Variants in SCN3A observed in about 807,000 individuals in gnomAD.
SCN3A encodes the protein sodium channel protein type 3 subunit alpha.
Under a neutral mutation model 187.6 loss-of-function variants are expected in SCN3A, and 60 were observed. The observed-to-expected ratio is 0.32, with a 90% CI of 0.26 to 0.40. The LOEUF (loss-of-function observed/expected upper bound fraction) is 0.40. Among genes scored for constraint, SCN3A ranks in the 10% least tolerant of loss-of-function variants. The pLI is 1.00. For missense variants in SCN3A, 1,601 were observed against 2,428.2 expected (o/e 0.66, Z 7.16); for synonymous variants, 788 against 829.2 (o/e 0.95, Z 0.85).
At chr2:165,103,546 T>C (rs1193894336) in intron 21 of SCN3A, among the ~76,000 whole-genome samples, 1 of 152,196 alleles carries the variant, frequency 6.6e-6, no homozygotes, top group Non-Finnish European at 1.5e-5. Flanking sequence ...CTAGGTACCA[T>C]ATCACACTAC....
At chr2:165,181,421 A>T (rs1366408716) in intron 2 of SCN3A, among the ~76,000 whole-genome samples, 3 of 152,232 alleles carry the variant, frequency 2.0e-5, no homozygotes, top group Non-Finnish European at 4.4e-5. Flanking sequence ...GGAAAATGGC[A>T]CATTGTTATG....
At position 165,127,775 on chromosome 2, in the gene SCN3A, G is replaced by A. The variant is rs199850080; in HGVS notation, c.3249C>T (p.Tyr1083=). ...GVGTGSSVEK[Y]VIDENDYMSF... ...ACATATAATCATTTTCATCGATTAC[G>A]TATTTTTCAACACTGCTTCCAGTAC... The change falls in exon 18 of 28, where the codon TAC becomes TAT. Residue 1083 remains tyrosine, a synonymous_variant. Coordinates refer to ENST00000283254, the MANE Select transcript of SCN3A (RefSeq NM_006922.4). 29 of 1,614,096 alleles carry A rather than the reference G, an allele frequency of 1.8e-5. No homozygotes were observed. Among genetic ancestry groups the A allele is most frequent in the Middle Eastern group, 3.3e-4 (2 of 6,060 alleles).
At chr2:165,095,754 T>G (rs988876040) in intron 24 of SCN3A, 106 bp from the exon 25 acceptor site, 1 of 638,546 alleles carries the variant, frequency 1.6e-6, no homozygotes, top group African/African-American at 1.8e-5. Flanking sequence ...TACTTTTGCC[T>G]TACCCTGAGA....
intron 21 of SCN3A, among the ~76,000 whole-genome samples, chr2:165,112,388 T>C (rs1686163973): frequency 6.6e-6 from 1 of 152,226 alleles, no homozygotes; most frequent in Non-Finnish European, 1.5e-5. Flanking sequence ...TTGTTGTGTC[T>C]GTGGGTATGT....
Position 165,146,917 on chromosome 2 carries a change from T to C in SCN3A, c.1493A>G (p.Glu498Gly). ...ASKLSSKSAK[E>G]WRNRRKKRRQ... Reference sequence around the variant, plus strand: ...TCTTTTCTTCCTTCGGTTCCTCCATTCTTTAGCACTTTTGGAACTCAACTT... The same window carrying C: ...TCTTTTCTTCCTTCGGTTCCTCCATCCTTTAGCACTTTTGGAACTCAACTT... The change falls in exon 12 of 28, where the codon GAA becomes GGA. Residue 498 changes from glutamate to glycine, a missense_variant. Around this residue, in one of 11 missense-constraint regions of SCN3A, gnomAD observed 376 missense variants for 476.0 expected, o/e 0.79. Transcript: ENST00000283254. 1 of 1,614,092 alleles carries C rather than the reference T, an allele frequency of 6.2e-7. No individual in the cohort carries two copies. Among genetic ancestry groups the C allele is most frequent in the Non-Finnish European group, 8.5e-7 (1 of 1,179,972 alleles).
At chr2:165,135,137 A>G (rs1381888141) in intron 15 of SCN3A, among the ~76,000 whole-genome samples, 1 of 152,062 alleles carries the variant, frequency 6.6e-6, no homozygotes, top group Non-Finnish European at 1.5e-5. Context: ...GTTTGTTATG[A>G]TGTTGTCTAA....
intron 3 of SCN3A, 40 bp from the exon 4 acceptor site, chr2:165,170,588 TG>T: frequency 2.5e-6 from 3 of 1,194,562 alleles, no homozygotes; most frequent in Non-Finnish European, 3.8e-6. Context: ...AAATTAGACA[TG>T]GGCTTATTTA....
chr2:165,092,329 C>T lies in SCN3A; in HGVS notation c.4732G>A (p.Val1578Ile), dbSNP rs138241452. The change falls in exon 27 of 28, where the codon GTC becomes ATC. Residue 1578 changes from valine to isoleucine, a missense_variant. Physicochemically the swap from Val to Ile is conservative, Grantham distance 29. Transcript: ENST00000283254. The surrounding 1 kb of genome is among the most constrained non-coding windows in gnomAD (Gnocchi z 4.2). ...LFTGEFVLKL[V>I]SLRHYYFTIG... ...GTGAAGTAGTAGTGTCTGAGGGAGA[C>T]GAGCTTCAGCACAAATTCTCCAGTG... is the stretch of plus-strand genomic sequence containing the variant. 9.9e-6 allele frequency: 16 copies of T among 1,613,766 alleles called. No homozygotes were observed. The highest frequency in any genetic ancestry group is 1.7e-5 in the Admixed American group (1 of 59,946).
At chr2:165,175,197 T>A (rs1346971932) in intron 3 of SCN3A, among the ~76,000 whole-genome samples, 1 of 152,234 alleles carries the variant, frequency 6.6e-6, no homozygotes, top group Admixed American at 6.5e-5. Context: ...CCATAATCTA[T>A]AAGTCATCAA....
In SCN3A at chr2:165,097,297, T is replaced by C; in HGVS notation, c.4194A>G (p.Val1398=). 1 of 1,614,138 alleles carries C rather than the reference T, an allele frequency of 6.2e-7. No individual in the cohort carries two copies. The highest frequency in any genetic ancestry group is 8.5e-7 in the Non-Finnish European group (1 of 1,180,002). ...AGCCAGCGCCAACATTATCAAAGTT[T>C]ACTTTCACGTTTTTCCACCGAGCTT... is the stretch of plus-strand genomic sequence containing the variant. ...GKQARWKNVK[V]NFDNVGAGYL... The change falls in exon 23 of 28, where the codon GTA becomes GTG. Residue 1398 remains valine (V), a synonymous_variant. Transcript: ENST00000283254.
chr2:165,100,610 C>T (rs1435102993), intron 21 of SCN3A, among the ~76,000 whole-genome samples, 186 bp from the exon 22 acceptor site: 2 of 151,922 alleles, frequency 1.3e-5, no homozygotes, highest in African/African-American at 2.4e-5. Context: ...TTTTTTTTAA[C>T]CAATGAAACC....
At chr2:165,121,147 C>T (rs1350340601) in intron 18 of SCN3A, among the ~76,000 whole-genome samples, 1 of 151,822 alleles carries the variant, frequency 6.6e-6, no homozygotes, top group South Asian at 2.1e-4. Flanking sequence ...GCTATTCACA[C>T]ACCCATCTGC....
At chr2:165,181,677 G>A (rs114084670) in intron 2 of SCN3A, among the ~76,000 whole-genome samples, 2,233 of 152,158 alleles carry the variant, frequency 0.015, 61 homozygotes, top group African/African-American at 0.05. Flanking sequence ...TTGAGAAAAT[G>A]TGTGCCGAAT....
chr2:165,131,476 A>C, intron 15 of SCN3A, 59 bp from the exon 16 acceptor site: 1 of 1,200,728 alleles, frequency 8.3e-7, no homozygotes, highest in Non-Finnish European at 1.2e-6. Context: ...TGCTACACGA[A>C]TTTATAAAGA....
intron 5 of SCN3A, among the ~76,000 whole-genome samples, chr2:165,164,933 A>G (rs995733720): frequency 6.6e-6 from 1 of 152,184 alleles, no homozygotes; most frequent in African/African-American, 2.4e-5. Flanking sequence ...TATTTAAACC[A>G]ATATATCTAA....
chr2:165,148,094 A>G (rs1190001739), intron 11 of SCN3A, among the ~76,000 whole-genome samples: 1 of 151,824 alleles, frequency 6.6e-6, no homozygotes, highest in Admixed American at 6.6e-5. Flanking sequence ...TAGAAATTGT[A>G]TCATTGTATG....
At chr2:165,197,105 A>G (rs981773048) in intron 1 of SCN3A, among the ~76,000 whole-genome samples, 1 of 152,178 alleles carries the variant, frequency 6.6e-6, no homozygotes, top group Non-Finnish European at 1.5e-5. Flanking sequence ...TTCAAATGTA[A>G]AATTATTTAA....
chr2:165,141,850 T>C (rs991498803), intron 12 of SCN3A, among the ~76,000 whole-genome samples: 4 of 152,238 alleles, frequency 2.6e-5, no homozygotes, highest in African/African-American at 9.6e-5. Flanking sequence ...TGTTTTATTT[T>C]AATTATATTA....
chr2:165,130,096 T>C lies in SCN3A; in HGVS notation c.2766A>G (p.Pro922=), dbSNP rs2105772223. 6.2e-7 allele frequency: 1 copy of C among 1,614,142 alleles called. No individual in the cohort carries two copies. Among genetic ancestry groups the C allele is most frequent in the Admixed American group, 1.7e-5 (1 of 60,016 alleles). ...VCKINDDCTL[P]RWHMNDFFHS... is the part of the protein sequence containing the mutation. The stretch of plus-strand genomic sequence containing the variant: ...GGAAGAAGTCGTTCATGTGCCACCG[T>C]GGGAGCGTACAGTCATCATTGATCT... The change falls in exon 17 of 28, where the codon CCA becomes CCG. Residue 922 remains proline (P), a synonymous_variant. Coordinates refer to ENST00000283254, the MANE Select transcript of SCN3A (RefSeq NM_006922.4).
Sources: allele counts gnomAD v4.1 joint callset (sites outside exome capture counted in the v4.1 genomes callset), GRCh38; gene constraint gnomAD v4.1.1; regional missense constraint gnomAD v4.1.1; non-coding constraint Gnocchi (gnomAD v3.1); transcripts MANE v1.5; gene names NCBI Gene and HGNC (gene_info 2026-07-23, HGNC 2026-07-21).